Variants in DRC11 observed in about 807,000 individuals in gnomAD.
The protein encoded by DRC11 is dynein regulatory complex subunit 11.
chr2:236,307,014 G>A, the DRC11 span, among the ~76,000 whole-genome samples: 1 of 152,170 alleles, frequency 6.6e-6, no homozygotes, highest in East Asian at 1.9e-4. This position sits in a 1 kb window ranked among gnomAD's most constrained non-coding sequence, Gnocchi z 7.0. Flanking sequence ...GAAACATTAG[G>A]AGGGATGGGG....
At chr2:236,474,259 C>T in the DRC11 span, among the ~76,000 whole-genome samples, 3 of 151,956 alleles carry the variant, frequency 2.0e-5, no homozygotes, top group Admixed American at 6.5e-5. Context: ...ACAAAACAGA[C>T]GTTATTCTCT....
the DRC11 span, chr2:236,344,429 C>T: frequency 6.1e-6 from 4 of 651,776 alleles, no homozygotes; most frequent in Non-Finnish European, 8.3e-6. Flanking sequence ...GAGACCACTA[C>T]AGAGAGCCCC....
At chr2:236,466,776 CA>C in the DRC11 span, among the ~76,000 whole-genome samples, 1 of 152,194 alleles carries the variant, frequency 6.6e-6, no homozygotes, top group South Asian at 2.1e-4. Flanking sequence ...GCTCCACCTC[CA>C]ACACTGGGAA....
the DRC11 span, among the ~76,000 whole-genome samples, chr2:236,354,895 T>C: frequency 6.6e-6 from 1 of 152,178 alleles, no homozygotes; most frequent in African/African-American, 2.4e-5. Flanking sequence ...CTGGCTCTCT[T>C]GTTGCCTTCC....
the DRC11 span, among the ~76,000 whole-genome samples, chr2:236,430,198 AACACACACACAC>A: frequency 6.7e-6 from 1 of 149,108 alleles, no homozygotes; most frequent in Non-Finnish European, 1.5e-5. This position sits in a 1 kb window ranked among gnomAD's most constrained non-coding sequence, Gnocchi z 6.0. Context: ...ATATACATAT[AACACACACACAC>A]ACACACACAC....
the DRC11 span, among the ~76,000 whole-genome samples, chr2:236,403,894 C>T: frequency 1.4e-4 from 21 of 152,066 alleles, no homozygotes; most frequent in Non-Finnish European, 1.8e-4. Context: ...CACACCACAG[C>T]CCCTCTTCCC....
chr2:236,475,478 C>G, the DRC11 span, among the ~76,000 whole-genome samples: 3 of 152,124 alleles, frequency 2.0e-5, no homozygotes, highest in African/African-American at 7.2e-5. This position sits in a 1 kb window ranked among gnomAD's most constrained non-coding sequence, Gnocchi z 4.8. Flanking sequence ...GGTCTCCTTT[C>G]TTTTTGATAT....
At chr2:236,355,703 G>A in the DRC11 span, among the ~76,000 whole-genome samples, 3 of 151,296 alleles carry the variant, frequency 2.0e-5, no homozygotes, top group Non-Finnish European at 1.5e-5. Context: ...ACTAACATAT[G>A]TATTACACTA....
At chr2:236,368,275 GAGT>G in the DRC11 span, 1 of 1,604,674 alleles carries the variant, frequency 6.2e-7, no homozygotes, top group Non-Finnish European at 8.5e-7. Flanking sequence ...ACCTGGCGAA[GAGT>G]AGTCCCCAGG....
At chr2:236,345,099 T>C in the DRC11 span, among the ~76,000 whole-genome samples, 622 of 129,216 alleles carry the variant, frequency 4.8e-3, no homozygotes, top group Admixed American at 7.5e-3. Context: ...AGAGCCCTGG[T>C]TGTAAACGTG....
chr2:236,387,447 G>A, the DRC11 span, among the ~76,000 whole-genome samples: 1 of 149,572 alleles, frequency 6.7e-6, no homozygotes, highest in South Asian at 2.1e-4. Context: ...GATCTTTGTT[G>A]GTTTAAAGTC....
the DRC11 span, among the ~76,000 whole-genome samples, chr2:236,479,691 T>C: frequency 3.2e-4 from 48 of 152,324 alleles, no homozygotes; most frequent in East Asian, 6.0e-3. The surrounding 1 kb of genome is among the most constrained non-coding windows in gnomAD (Gnocchi z 4.1). Flanking sequence ...ATATTACTTG[T>C]CTCTTAACAA....
the DRC11 span, chr2:236,486,757 A>C: frequency 9.9e-7 from 1 of 1,013,096 alleles, no homozygotes; most frequent in Non-Finnish European, 1.5e-6. This position sits in a 1 kb window ranked among gnomAD's most constrained non-coding sequence, Gnocchi z 5.7. Context: ...AAAAACTCTC[A>C]GAAGAAGACA....
chr2:236,358,491 A>G, the DRC11 span, among the ~76,000 whole-genome samples: 58 of 143,990 alleles, frequency 4.0e-4, 1 homozygote, highest in Admixed American at 2.3e-3. Flanking sequence ...CAAATGATGA[A>G]CATGCAATAA....
the DRC11 span, among the ~76,000 whole-genome samples, chr2:236,427,719 A>G: frequency 6.6e-6 from 1 of 152,034 alleles, no homozygotes; most frequent in East Asian, 1.9e-4. The surrounding 1 kb of genome is among the most constrained non-coding windows in gnomAD (Gnocchi z 5.9). Context: ...TGTTTTTTTG[A>G]GGCTCCATTT....
chr2:236,471,684 G>A, the DRC11 span, among the ~76,000 whole-genome samples: 6 of 152,136 alleles, frequency 3.9e-5, no homozygotes, highest in Non-Finnish European at 7.4e-5. The surrounding 1 kb of genome is among the most constrained non-coding windows in gnomAD (Gnocchi z 4.6). Flanking sequence ...TGAGCTAGGC[G>A]TTATTACTAC....
At chr2:236,494,561 T>G in the DRC11 span, among the ~76,000 whole-genome samples, 1 of 152,214 alleles carries the variant, frequency 6.6e-6, no homozygotes, top group African/African-American at 2.4e-5. This position sits in a 1 kb window ranked among gnomAD's most constrained non-coding sequence, Gnocchi z 4.2. Flanking sequence ...CCAATCCCAC[T>G]GAGAAACATT....
chr2:236,312,337 A>G, the DRC11 span, among the ~76,000 whole-genome samples: 29 of 150,214 alleles, frequency 1.9e-4, no homozygotes, highest in Admixed American at 3.3e-4. Flanking sequence ...ACATGTGTAC[A>G]TCATAGTTCT....
At chr2:236,324,425 G>A in the DRC11 span, 6 of 325,554 alleles carry the variant, frequency 1.8e-5, no homozygotes, top group Non-Finnish European at 2.9e-5. This position sits in a 1 kb window ranked among gnomAD's most constrained non-coding sequence, Gnocchi z 5.7. Context: ...CAAACTTGGC[G>A]TGGATTAAAG....
Sources: allele counts gnomAD v4.1 joint callset (sites outside exome capture counted in the v4.1 genomes callset), GRCh38; gene constraint gnomAD v4.1.1; non-coding constraint Gnocchi (gnomAD v3.1); transcripts MANE v1.5; gene names NCBI Gene and HGNC (gene_info 2026-07-23, HGNC 2026-07-21).